Variants in MEGF9 observed in about 807,000 individuals in gnomAD.
The protein encoded by MEGF9 is multiple epidermal growth factor-like domains protein 9.
A neutral mutation model predicts 46.8 loss-of-function variants in MEGF9; 6 were observed. The ratio of observed to expected loss-of-function variants is 0.13; its 90% CI spans 0.07 to 0.25. The LOEUF (loss-of-function observed/expected upper bound fraction) is 0.25, where lower values mean the gene tolerates loss of function less well. Among genes scored for constraint, MEGF9 ranks in the 10% least tolerant of loss-of-function variants. The pLI is 1.00. For missense variants in MEGF9, 683 were observed against 792.4 expected (o/e 0.86, Z 1.66); for synonymous variants, 302 against 330.7 (o/e 0.91, Z 0.94).
chr9:120,713,626 AT>A, intron 1 of MEGF9, 131 bp downstream of exon 1: 4 of 1,193,518 alleles, frequency 3.4e-6, no homozygotes, highest in Non-Finnish European at 4.2e-6. Flanking sequence ...TGGACCTGGG[AT>A]CCCCCCTCGG....
At chr9:120,676,844 TACA>T (rs973826573) in intron 1 of MEGF9, among the ~76,000 whole-genome samples, 2 of 152,216 alleles carry the variant, frequency 1.3e-5, no homozygotes, top group African/African-American at 4.8e-5. Flanking sequence ...TACTTAGCTT[TACA>T]ACAACCTTGC....
intron 2 of MEGF9, among the ~76,000 whole-genome samples, chr9:120,628,482 T>G (rs986448198): frequency 1.6e-4 from 23 of 143,484 alleles, no homozygotes; most frequent in African/African-American, 5.9e-4. Flanking sequence ...TTTTTTTTTT[T>G]TTTTTTTTTT....
Position 120,659,539 on chromosome 9 carries a change from T to A in MEGF9, c.638A>T (p.Asn213Ile). ...VCNCSVVGSL[N>I]VNRCNQTTGQ... ...TGTGGTCTGGTTGCAGCGATTCACATTCAGGCTTCCAACCACAGAGCAGTT... is the reference window on the plus strand; with the variant it reads ...TGTGGTCTGGTTGCAGCGATTCACAATCAGGCTTCCAACCACAGAGCAGTT... The change falls in exon 2 of 6, where the codon AAT (asparagine) becomes ATT (isoleucine). Residue 213 changes from asparagine to isoleucine, a missense_variant. By Grantham distance (149) the Asn-to-Ile change is moderately radical. Coordinates refer to ENST00000373930, the MANE Select transcript of MEGF9 (RefSeq NM_001080497.3). 6.2e-7 allele frequency: 1 copy of A among 1,613,282 alleles called. No homozygotes were observed. Among genetic ancestry groups the A allele is most frequent in the African/African-American group, 1.3e-5 (1 of 75,000 alleles).
chr9:120,710,971 G>A (rs1261993810), intron 1 of MEGF9, among the ~76,000 whole-genome samples: 1 of 152,144 alleles, frequency 6.6e-6, no homozygotes, highest in East Asian at 1.9e-4. Context: ...ATCGAAATTG[G>A]ACATCCTTCC....
intron 1 of MEGF9, among the ~76,000 whole-genome samples, chr9:120,708,314 G>A (rs56032630): frequency 0.024 from 3,574 of 151,784 alleles, 55 homozygotes; most frequent in Non-Finnish European, 0.038. Flanking sequence ...GTAGTGATCC[G>A]AGATGGCACC....
At chr9:120,689,205 C>A (rs2043837585) in intron 1 of MEGF9, among the ~76,000 whole-genome samples, 1 of 152,142 alleles carries the variant, frequency 6.6e-6, no homozygotes, top group African/African-American at 2.4e-5. Context: ...GAAGAAATAT[C>A]TAAGCATGGA....
At position 120,691,878 on chromosome 9, in the gene MEGF9, A is replaced by G. The variant is rs149519866; in HGVS notation, c.601+21880T>C. Among the ~76,000 whole-genome samples, 320 of 152,326 alleles carry G rather than the reference A, an allele frequency of 2.1e-3. 1 individual carries two copies. The highest frequency in any genetic ancestry group is 7.2e-3 in the African/African-American group (301 of 41,588). Reference sequence around the variant, plus strand: ...AGAGGAAGAAAACTACTTCAGGCTCAAAAGTACATATGCATTGCCTTGTCA... The same window carrying G: ...AGAGGAAGAAAACTACTTCAGGCTCGAAAGTACATATGCATTGCCTTGTCA... On this transcript the variant is annotated intron_variant, in intron 1 of 5. Transcript: ENST00000373930.
intron 3 of MEGF9, among the ~76,000 whole-genome samples, chr9:120,618,731 C>T (rs901825263): frequency 6.6e-5 from 10 of 151,828 alleles, no homozygotes; most frequent in African/African-American, 2.4e-4. Flanking sequence ...AACCCCGTGT[C>T]TACTAAAAAT....
chr9:120,689,042 G>A lies in MEGF9; in HGVS notation c.601+24716C>T, dbSNP rs77503587. Among the ~76,000 whole-genome samples, 542 of 152,274 alleles carry A rather than the reference G, an allele frequency of 3.6e-3. 2 individuals carry two copies. Among genetic ancestry groups the A allele is most frequent in the African/African-American group, 6.6e-3 (276 of 41,540 alleles). ...AGATACAACAATGAGAAAGACAGAC[G>A]TGGTCATTGTTCTTATACAGCTTAA... On this transcript the variant is annotated intron_variant, in intron 1 of 5. Transcript: ENST00000373930.
At position 120,605,583 on chromosome 9, in the gene MEGF9, G is replaced by C; in HGVS notation, c.1416C>G (p.Thr472=). The C allele has an allele frequency of 6.2e-7, 1 of 1,603,466 alleles. No individual in the cohort carries two copies. Among genetic ancestry groups the C allele is most frequent in the South Asian group, 1.1e-5 (1 of 89,780 alleles). The stretch of plus-strand genomic sequence containing the variant: ...TTATAACAGGGGTGGGCACTGATGT[G>C]GTCAAAGAGGCATTGGAAACCAAAA... ...STILVSNASL[T]TSVPTPVINS... is the part of the protein sequence containing the mutation. Residue 472 remains threonine (T), a synonymous_variant, in exon 6 of 6, where the codon ACC becomes ACG. Coordinates refer to ENST00000373930, the MANE Select transcript of MEGF9 (RefSeq NM_001080497.3). This position sits in a 1 kb window ranked among gnomAD's most constrained non-coding sequence, Gnocchi z 4.0.
rs988095929 is a variant in MEGF9 at position 120,654,009 on chromosome 9, C to T, written c.803+5365G>A. Among the ~76,000 whole-genome samples, 23 of 152,238 alleles carry T rather than the reference C, an allele frequency of 1.5e-4. No individual in the cohort carries two copies. In the East Asian group the frequency reaches 3.7e-3, roughly 24 times the overall value. On this transcript the variant is annotated intron_variant, in intron 2 of 5. Coordinates refer to ENST00000373930, the MANE Select transcript of MEGF9 (RefSeq NM_001080497.3). ...GGAGGTGTGACAGCATAGTCTGCTG[C>T]CATGAGCTTCAAAGGAGTTTTTAGG...
At chr9:120,706,874 G>A (rs945301239) in intron 1 of MEGF9, among the ~76,000 whole-genome samples, 25 of 152,152 alleles carry the variant, frequency 1.6e-4, no homozygotes, top group African/African-American at 5.8e-4. Flanking sequence ...AATTCTGGGA[G>A]ATGAATGAAT....
intron 1 of MEGF9, among the ~76,000 whole-genome samples, chr9:120,710,833 G>A (rs915610841): frequency 2.6e-5 from 4 of 152,142 alleles, no homozygotes; most frequent in Non-Finnish European, 5.9e-5. Flanking sequence ...AAGTAGACTG[G>A]AGCCCATGCT....
chr9:120,682,090 ATT>A (rs1202088977), intron 1 of MEGF9, among the ~76,000 whole-genome samples: 1 of 152,192 alleles, frequency 6.6e-6, no homozygotes, highest in Non-Finnish European at 1.5e-5. Context: ...TCTACCCTAC[ATT>A]TTTATTATAA....
At chr9:120,673,107 G>A (rs969018991) in intron 1 of MEGF9, among the ~76,000 whole-genome samples, 16 of 152,148 alleles carry the variant, frequency 1.1e-4, no homozygotes, top group African/African-American at 3.4e-4. Context: ...ATGAACAGAT[G>A]GAATTTTTAA....
chr9:120,713,686 C>A (rs574277204), intron 1 of MEGF9, 72 bp downstream of exon 1: 6 of 1,245,876 alleles, frequency 4.8e-6, no homozygotes, highest in Middle Eastern at 3.1e-4. Context: ...AAATTATAGG[C>A]AAGAGCCCAA....
At chr9:120,609,723 T>C (rs532646934) in intron 4 of MEGF9, among the ~76,000 whole-genome samples, 3 of 152,268 alleles carry the variant, frequency 2.0e-5, no homozygotes, top group East Asian at 3.9e-4. Flanking sequence ...ATCTGCTAGA[T>C]AGATTAGTTC....
intron 1 of MEGF9, among the ~76,000 whole-genome samples, chr9:120,666,110 A>T (rs2043723969): frequency 6.6e-6 from 1 of 152,108 alleles, no homozygotes; most frequent in Non-Finnish European, 1.5e-5. Flanking sequence ...TTTTTTTAAA[A>T]TTTCTGTGAA....
chr9:120,613,759 A>G, intron 3 of MEGF9, among the ~76,000 whole-genome samples: 1 of 152,214 alleles, frequency 6.6e-6, no homozygotes, highest in East Asian at 1.9e-4. Context: ...AGGGACACTC[A>G]GAACTACTAT....
Sources: allele counts gnomAD v4.1 joint callset (sites outside exome capture counted in the v4.1 genomes callset), GRCh38; gene constraint gnomAD v4.1.1; non-coding constraint Gnocchi (gnomAD v3.1); transcripts MANE v1.5; gene names NCBI Gene and HGNC (gene_info 2026-07-23, HGNC 2026-07-21).